Variants in TAFA2 observed in about 807,000 individuals in gnomAD.
TAFA2 encodes the protein chemokine-like protein TAFA-2.
TAFA2 carries 7 observed loss-of-function variants against 18.8 expected under a neutral mutation model. That is an observed-to-expected ratio of 0.37 (90% confidence interval 0.21 to 0.70). TAFA2 has a LOEUF of 0.70. Among genes scored for constraint, TAFA2 ranks in the 30% least tolerant of loss-of-function variants. TAFA2 has a pLI of 0.53. For missense variants in TAFA2, 122 were observed against 158.1 expected, an observed-to-expected ratio of 0.77 and a Z score of 1.23; for synonymous variants, 60 against 54.2, an observed-to-expected ratio of 1.11 and a Z score of -0.47.
At chr12:62,016,309 T>A (rs1361410024) in intron 1 of TAFA2, among the ~76,000 whole-genome samples, 1 of 152,284 alleles carries the variant, frequency 6.6e-6, no homozygotes, top group East Asian at 1.9e-4. Flanking sequence ...CGACAGCTCA[T>A]TTTTTACTTA....
intron 1 of TAFA2, chr12:62,258,195 AG>A (rs1336365013): frequency 2.6e-5 from 4 of 152,200 alleles, no homozygotes; most frequent in Non-Finnish European, 4.4e-5. Flanking sequence ...GCACTCTGTA[AG>A]TGCTTGCTAA....
chr12:62,200,900 T>C (rs1270909797), intron 1 of TAFA2, among the ~76,000 whole-genome samples: 3 of 152,216 alleles, frequency 2.0e-5, no homozygotes, highest in Admixed American at 6.5e-5. Context: ...CATTTGTTTG[T>C]GTCCTCTCTT....
intron 1 of TAFA2, among the ~76,000 whole-genome samples, chr12:62,112,406 G>A (rs1869774868): frequency 6.6e-6 from 1 of 152,032 alleles, no homozygotes; most frequent in Admixed American, 6.5e-5. Context: ...CTTTCTCTCT[G>A]GCTGCCCTTA....
At chr12:61,716,127 G>T (rs10877722) in intron 4 of TAFA2, among the ~76,000 whole-genome samples, 71,318 of 151,916 alleles carry the variant, frequency 0.47, 16,922 homozygotes, top group East Asian at 0.6. Flanking sequence ...GGAACCTAAT[G>T]AGTGCTAAAG....
At chr12:62,048,801 A>G (rs1325340682) in intron 1 of TAFA2, among the ~76,000 whole-genome samples, 1 of 152,194 alleles carries the variant, frequency 6.6e-6, no homozygotes, top group Non-Finnish European at 1.5e-5. Context: ...TGCTATCACA[A>G]TTTAGTTACT....
intron 1 of TAFA2, among the ~76,000 whole-genome samples, chr12:61,933,379 A>C (rs1877641263): frequency 6.6e-6 from 1 of 152,156 alleles, no homozygotes; most frequent in Non-Finnish European, 1.5e-5. Flanking sequence ...AGATAACATA[A>C]TAAAGTTACT....
intron 1 of TAFA2, among the ~76,000 whole-genome samples, chr12:61,979,285 TA>T (rs1879547089): frequency 6.6e-6 from 1 of 152,122 alleles, no homozygotes; most frequent in Non-Finnish European, 1.5e-5. Flanking sequence ...GAGGAGCCAA[TA>T]ACTCAGTGGA....
chr12:61,792,035 G>GA (rs1871002490), intron 2 of TAFA2, among the ~76,000 whole-genome samples: 1 of 151,692 alleles, frequency 6.6e-6, no homozygotes, highest in African/African-American at 2.4e-5. Context: ...TACTTGGCCA[G>GA]AAAAAATAAT....
chr12:62,133,509 A>T lies in TAFA2; in HGVS notation c.-2+57750T>A, dbSNP rs189773100. On this transcript the variant is annotated intron_variant, in intron 1 of 4. Transcript: ENST00000416284. ...AACTAAAAGAAGGGTAGAAAAAAAA[A>T]TAGAGAGGGAGATTTCCTCAATCAT... Among the ~76,000 whole-genome samples the T allele has an allele frequency of 3.1e-3, 464 of 151,926 alleles. 4 individuals are homozygous for T. The highest frequency in any genetic ancestry group is 0.01 in the African/African-American group (419 of 41,518).
intron 1 of TAFA2, among the ~76,000 whole-genome samples, chr12:61,989,545 T>A (rs1201592572): frequency 6.6e-6 from 1 of 152,150 alleles, no homozygotes; most frequent in Non-Finnish European, 1.5e-5. Flanking sequence ...TGCCACTGCC[T>A]TCCCCATTCA....
chr12:61,867,878 TG>T (rs1445689502), intron 1 of TAFA2, among the ~76,000 whole-genome samples: 2 of 152,112 alleles, frequency 1.3e-5, no homozygotes, highest in Non-Finnish European at 2.9e-5. Flanking sequence ...GCACAGAATA[TG>T]GTCACTTCAA....
At chr12:62,182,240 C>A (rs2062557412) in intron 1 of TAFA2, among the ~76,000 whole-genome samples, 1 of 152,112 alleles carries the variant, frequency 6.6e-6, no homozygotes, top group South Asian at 2.1e-4. Context: ...AAAACAATTT[C>A]TAATTTACGT....
intron 1 of TAFA2, chr12:61,879,537 G>T: frequency 1.4e-6 from 1 of 723,736 alleles, no homozygotes; most frequent in Non-Finnish European, 2.5e-6. Context: ...AGAGCCTGCT[G>T]AGGCCCCTTA....
At chr12:62,103,464 G>A (rs928988553) in intron 1 of TAFA2, among the ~76,000 whole-genome samples, 4 of 152,080 alleles carry the variant, frequency 2.6e-5, no homozygotes, top group Non-Finnish European at 4.4e-5. Context: ...CTTCCGGCCA[G>A]GCATGGTGGC....
At chr12:61,972,800 T>C (rs2884815) in intron 1 of TAFA2, among the ~76,000 whole-genome samples, 53,443 of 151,228 alleles carry the variant, frequency 0.35, 9,835 homozygotes, top group South Asian at 0.51. Context: ...AAAAGAAGCA[T>C]ACAAAAGATA....
At chr12:62,242,205 T>G (rs1216593962) in intron 1 of TAFA2, among the ~76,000 whole-genome samples, 1 of 152,144 alleles carries the variant, frequency 6.6e-6, no homozygotes, top group Non-Finnish European at 1.5e-5. Context: ...TCTTAAAGTT[T>G]AGGAGTAATG....
chr12:62,118,564 C>T (rs74512483), intron 1 of TAFA2, among the ~76,000 whole-genome samples: 4,068 of 152,104 alleles, frequency 0.027, 176 homozygotes, highest in African/African-American at 0.09. Flanking sequence ...AAAATGATTG[C>T]ACCAATTTGC....
At chr12:62,257,292 A>T (rs1407251561) in intron 1 of TAFA2, among the ~76,000 whole-genome samples, 4 of 151,922 alleles carry the variant, frequency 2.6e-5, no homozygotes, top group Non-Finnish European at 5.9e-5. Context: ...GGCAAAACTT[A>T]TCTTGAAATT....
chr12:61,881,978 CT>C (rs1875163778), intron 1 of TAFA2, among the ~76,000 whole-genome samples: 1 of 151,950 alleles, frequency 6.6e-6, no homozygotes, highest in African/African-American at 2.4e-5. Flanking sequence ...GTTATCTTCT[CT>C]GTGCTTCTTA....
Sources: allele counts gnomAD v4.1 joint callset (sites outside exome capture counted in the v4.1 genomes callset), GRCh38; gene constraint gnomAD v4.1.1; transcripts MANE v1.5; gene names NCBI Gene and HGNC (gene_info 2026-07-23, HGNC 2026-07-21).